ZSCAN25: variants seen among roughly 807,000 people sequenced by gnomAD.
ZSCAN25 encodes the protein zinc finger and SCAN domain containing 25, also known as zinc finger and SCAN domain-containing protein 25.
A neutral mutation model predicts 38.7 loss-of-function variants in ZSCAN25; 27 were observed. The observed-to-expected ratio is 0.70, with a 90% CI of 0.51 to 0.96. The LOEUF is 0.96. Among genes scored for constraint, ZSCAN25 ranks in the 40% least tolerant of loss-of-function variants. The pLI, the probability that ZSCAN25 is intolerant of heterozygous loss-of-function variation, is 0.00. For synonymous variants in ZSCAN25, 273 were observed against 277.7 expected, an observed-to-expected ratio of 0.98 and a Z score of 0.17; for missense variants, 637 against 705.9, an observed-to-expected ratio of 0.90 and a Z score of 1.11.
chr7:99,731,480 C>T, the ZSCAN25 span, among the ~76,000 whole-genome samples: 117 of 152,254 alleles, frequency 7.7e-4, no homozygotes, highest in African/African-American at 2.8e-3. Flanking sequence ...ACTTCATTCC[C>T]TCATGTCTTT....
rs758396395 is a variant in ZSCAN25 at position 99,629,997 on chromosome 7, C to G, written c.1612C>G (p.Arg538Gly). Residue 538 changes from arginine (R) to glycine (G), a missense_variant, in exon 8 of 8, where the codon CGC becomes GGC. Arg to Gly is a moderately radical substitution (Grantham distance 125, BLOSUM62 -2). Coordinates refer to ENST00000394152, the MANE Select transcript of ZSCAN25 (RefSeq NM_145115.3). This position sits in a 1 kb window ranked among gnomAD's most constrained non-coding sequence, Gnocchi z 5.6. Reference protein sequence around the residue: ...ILNRHQKTQHRQEPLVQ With the variant: ...ILNRHQKTQHGQEPLVQ ...CAACCGGCACCAGAAGACCCAGCAC[C>G]GCCAGGAGCCGCTGGTGCAGTGAGC... 1.3e-6 allele frequency: 2 copies of G among 1,572,900 alleles called. No individual in the cohort carries two copies. Among genetic ancestry groups the G allele is most frequent in the South Asian group, 2.3e-5 (2 of 85,694 alleles).
intron 7 of ZSCAN25, among the ~76,000 whole-genome samples, chr7:99,624,999 C>T (rs1170456384): frequency 6.6e-6 from 1 of 152,070 alleles, no homozygotes; most frequent in Non-Finnish European, 1.5e-5. Context: ...GTACACTGAC[C>T]ACCCATCTGT....
the ZSCAN25 span, chr7:99,671,402 C>T: frequency 5.9e-6 from 1 of 170,032 alleles, no homozygotes; most frequent in Non-Finnish European, 1.3e-5. Flanking sequence ...TACTGTACAG[C>T]TACTAGAGTC....
downstream of ZSCAN25, among the ~76,000 whole-genome samples, chr7:99,635,881 G>C (rs202005749): frequency 1.8e-4 from 28 of 151,834 alleles, no homozygotes; most frequent in East Asian, 4.9e-3. Context: ...CCCCGTGTCT[G>C]CTAAAAATAC....
the ZSCAN25 span, chr7:99,730,423 A>C: frequency 6.5e-6 from 1 of 152,840 alleles, no homozygotes; most frequent in Non-Finnish European, 1.5e-5. Context: ...AAAGGAAAAG[A>C]AGTAAAGCAG....
downstream of ZSCAN25, among the ~76,000 whole-genome samples, chr7:99,636,116 A>T (rs568170772): frequency 6.6e-6 from 1 of 151,678 alleles, no homozygotes; most frequent in East Asian, 1.9e-4. Flanking sequence ...AGGCATTTAT[A>T]CCTTTGTGCT....
At chr7:99,707,686 A>G in the ZSCAN25 span, 3 of 1,472,862 alleles carry the variant, frequency 2.0e-6, no homozygotes, top group Non-Finnish European at 2.8e-6. Context: ...ATGGGTCCAA[A>G]TAGATTCCTT....
the ZSCAN25 span, among the ~76,000 whole-genome samples, chr7:99,673,187 G>C: frequency 6.6e-6 from 1 of 152,176 alleles, no homozygotes; most frequent in African/African-American, 2.4e-5. Flanking sequence ...ACTAAGTCAT[G>C]TTGCCTGTAT....
At chr7:99,643,777 C>T in the ZSCAN25 span, among the ~76,000 whole-genome samples, 2 of 151,560 alleles carry the variant, frequency 1.3e-5, no homozygotes, top group South Asian at 2.1e-4. Flanking sequence ...TTGCTCCCCC[C>T]TCTCAGCCCC....
At chr7:99,660,502 A>G in the ZSCAN25 span, 1 of 1,609,502 alleles carries the variant, frequency 6.2e-7, no homozygotes, top group Non-Finnish European at 8.5e-7. Flanking sequence ...CCCTCACCTT[A>G]TTGGGCAAAA....
chr7:99,730,470 G>A, the ZSCAN25 span: 1 of 154,046 alleles, frequency 6.5e-6, no homozygotes, highest in Non-Finnish European at 1.4e-5. Context: ...GGCAACAGAT[G>A]TCATGGGGAG....
the ZSCAN25 span, among the ~76,000 whole-genome samples, chr7:99,690,597 C>T: frequency 6.6e-6 from 1 of 151,900 alleles, no homozygotes; most frequent in Non-Finnish European, 1.5e-5. Context: ...AACAAATTTA[C>T]AAGAAAAAAA....
the ZSCAN25 span, chr7:99,647,922 ATG>A: frequency 5.1e-6 from 5 of 982,796 alleles, no homozygotes; most frequent in Non-Finnish European, 6.0e-6. Context: ...CGTGATATAA[ATG>A]TCACTATTAG....
At chr7:99,704,587 C>T in the ZSCAN25 span, among the ~76,000 whole-genome samples, 1 of 151,772 alleles carries the variant, frequency 6.6e-6, no homozygotes, top group Non-Finnish European at 1.5e-5. Flanking sequence ...CACTGTGTCT[C>T]ATCAAAAATG....
intron 7 of ZSCAN25, among the ~76,000 whole-genome samples, chr7:99,625,622 C>T (rs571462478): frequency 6.6e-6 from 1 of 152,262 alleles, no homozygotes; most frequent in South Asian, 2.1e-4. Flanking sequence ...AGCAGGGGCT[C>T]GAGTGATGAG....
chr7:99,665,459 A>C, the ZSCAN25 span: 1 of 1,229,064 alleles, frequency 8.1e-7, no homozygotes, highest in Non-Finnish European at 1.2e-6. Flanking sequence ...TCTTCCATCT[A>C]CTCCCTCAGA....
At chr7:99,653,991 C>A in the ZSCAN25 span, among the ~76,000 whole-genome samples, 2 of 152,192 alleles carry the variant, frequency 1.3e-5, no homozygotes, top group Non-Finnish European at 2.9e-5. This position sits in a 1 kb window ranked among gnomAD's most constrained non-coding sequence, Gnocchi z 4.2. Flanking sequence ...AGACCATAGC[C>A]AGACCAGAGT....
downstream of ZSCAN25, among the ~76,000 whole-genome samples, chr7:99,633,155 A>G (rs1374199725): frequency 6.6e-6 from 1 of 152,032 alleles, no homozygotes; most frequent in Non-Finnish European, 1.5e-5. Flanking sequence ...CCAGCTAATC[A>G]TTCTGCATTT....
the ZSCAN25 span, chr7:99,730,896 G>C: frequency 1.1e-6 from 1 of 872,110 alleles, no homozygotes. Flanking sequence ...GTTAGCAAGA[G>C]AGCCCCAGGG....
Sources: allele counts gnomAD v4.1 joint callset (sites outside exome capture counted in the v4.1 genomes callset), GRCh38; gene constraint gnomAD v4.1.1; non-coding constraint Gnocchi (gnomAD v3.1); transcripts MANE v1.5; gene names NCBI Gene and HGNC (gene_info 2026-07-23, HGNC 2026-07-21).